The following TRPM3 variants were observed in gnomAD, a reference collection of about 807,000 sequenced individuals.
TRPM3 encodes long transient receptor potential channel 3.
Under a neutral mutation model 181.2 loss-of-function variants are expected in TRPM3, and 77 were observed. That is an observed-to-expected ratio of 0.42 (90% CI 0.35 to 0.51). The LOEUF (loss-of-function observed/expected upper bound fraction) is 0.51, where lower values mean the gene tolerates loss of function less well. TRPM3 is among the 20% of genes least tolerant of loss of function. TRPM3 has a pLI of 0.01. For synonymous variants in TRPM3, 745 were observed against 796.4 expected, an observed-to-expected ratio of 0.94 and a Z score of 1.09; for missense variants, 1,759 against 2,196.7, an observed-to-expected ratio of 0.80 and a Z score of 3.98.
At chr9:71,061,206 T>C (rs569480337) in intron 1 of TRPM3, among the ~76,000 whole-genome samples, 1 of 152,246 alleles carries the variant, frequency 6.6e-6, no homozygotes, top group Admixed American at 6.5e-5. Flanking sequence ...AAGAGGTCAG[T>C]AGCTTACTGT....
intron 14 of TRPM3, among the ~76,000 whole-genome samples, chr9:70,623,517 G>A (rs1214007590): frequency 1.3e-5 from 2 of 152,196 alleles, no homozygotes; most frequent in African/African-American, 4.8e-5. Context: ...AATTGGGTTT[G>A]GCACCATCTT....
chr9:71,408,580 G>A (rs1347540159), intron 1 of TRPM3, among the ~76,000 whole-genome samples: 1 of 152,154 alleles, frequency 6.6e-6, no homozygotes, highest in Non-Finnish European at 1.5e-5. Flanking sequence ...AATGAACAAA[G>A]CCTCCAAGAA....
intron 1 of TRPM3, among the ~76,000 whole-genome samples, chr9:71,312,323 G>A (rs1236276712): frequency 6.6e-6 from 1 of 152,090 alleles, no homozygotes; most frequent in Non-Finnish European, 1.5e-5. Flanking sequence ...AATGTCAGCA[G>A]AGAAATGCAA....
At chr9:70,967,856 C>CTAA (rs2097201551) in intron 1 of TRPM3, among the ~76,000 whole-genome samples, 1 of 152,074 alleles carries the variant, frequency 6.6e-6, no homozygotes, top group Non-Finnish European at 1.5e-5. Context: ...ATGGTCCCCA[C>CTAA]AATACACTGT....
intron 1 of TRPM3, among the ~76,000 whole-genome samples, chr9:71,420,645 GAA>G (rs1444881248): frequency 3.0e-4 from 35 of 116,464 alleles, no homozygotes; most frequent in African/African-American, 1.0e-3. Context: ...AAAAGAGAGA[GAA>G]AGAGAAAGAA....
intron 22 of TRPM3, among the ~76,000 whole-genome samples, chr9:70,580,500 C>A (rs2055352789): frequency 6.6e-6 from 1 of 152,130 alleles, no homozygotes; most frequent in South Asian, 2.1e-4. Context: ...ATATGGTGTC[C>A]ACATCAACCC....
At chr9:70,687,895 C>G (rs1402464063) in intron 8 of TRPM3, among the ~76,000 whole-genome samples, 1 of 152,190 alleles carries the variant, frequency 6.6e-6, no homozygotes, top group African/African-American at 2.4e-5. Context: ...GAGCAGTGAA[C>G]CACACTGACA....
intron 1 of TRPM3, among the ~76,000 whole-genome samples, chr9:71,241,692 GAATA>G (rs2081700002): frequency 1.3e-5 from 2 of 151,990 alleles, no homozygotes; most frequent in African/African-American, 2.4e-5. Context: ...ATTCTTCACA[GAATA>G]AATGAGAATT....
intron 1 of TRPM3, among the ~76,000 whole-genome samples, chr9:71,140,961 G>T (rs2075066348): frequency 6.6e-6 from 1 of 152,146 alleles, no homozygotes; most frequent in Non-Finnish European, 1.5e-5. Context: ...AATGTAATTA[G>T]TTTCTATTTT....
chr9:70,804,591 C>T (rs1028575195), intron 6 of TRPM3, among the ~76,000 whole-genome samples: 1 of 152,148 alleles, frequency 6.6e-6, no homozygotes, highest in Non-Finnish European at 1.5e-5. Context: ...TCTGTTACCT[C>T]ACTAGCTGCT....
intron 1 of TRPM3, among the ~76,000 whole-genome samples, chr9:71,246,089 TGGGAA>T (rs2082020906): frequency 1.3e-5 from 2 of 152,212 alleles, no homozygotes; most frequent in Admixed American, 1.3e-4. Context: ...ATTGGGGGTT[TGGGAA>T]GTGGACTGCT....
chr9:70,841,660 AT>A (rs200085017), intron 5 of TRPM3, among the ~76,000 whole-genome samples: 7,634 of 103,560 alleles, frequency 0.074, 403 homozygotes, highest in Middle Eastern at 0.14. Flanking sequence ...ATATATATAT[AT>A]CCCACCATAT....
At chr9:71,105,672 CA>C (rs1367679204) in intron 1 of TRPM3, among the ~76,000 whole-genome samples, 5 of 152,260 alleles carry the variant, frequency 3.3e-5, no homozygotes, top group African/African-American at 9.6e-5. Context: ...GTTTGTATAT[CA>C]AAGCCATGCT....
chr9:71,282,817 C>T (rs890166121), intron 1 of TRPM3, among the ~76,000 whole-genome samples: 3 of 152,144 alleles, frequency 2.0e-5, no homozygotes, highest in African/African-American at 7.2e-5. Context: ...GACTAGATAT[C>T]TTTAAGTCAA....
intron 9 of TRPM3, among the ~76,000 whole-genome samples, chr9:70,669,127 G>A (rs1368548996): frequency 6.6e-6 from 1 of 152,224 alleles, no homozygotes; most frequent in African/African-American, 2.4e-5. Context: ...GGCTGGGGGT[G>A]ACCACAGCTG....
intron 1 of TRPM3, among the ~76,000 whole-genome samples, chr9:71,332,980 T>A (rs2090315800): frequency 6.6e-6 from 1 of 151,940 alleles, no homozygotes; most frequent in African/African-American, 2.4e-5. Context: ...AAACATGGTG[T>A]ATTATAACAA....
At chr9:70,985,402 C>G (rs1010426705) in intron 1 of TRPM3, among the ~76,000 whole-genome samples, 3 of 152,100 alleles carry the variant, frequency 2.0e-5, no homozygotes, top group Non-Finnish European at 4.4e-5. Flanking sequence ...AAGAGGCCAA[C>G]AAAATTCTAG....
At chr9:71,149,526 C>T (rs72731793) in intron 1 of TRPM3, among the ~76,000 whole-genome samples, 1,777 of 152,130 alleles carry the variant, frequency 0.012, 18 homozygotes, top group Middle Eastern at 0.02. Context: ...GGCTACATAG[C>T]GAATCTCAAT....
At chr9:70,664,638 G>T (rs7850599) in intron 9 of TRPM3, among the ~76,000 whole-genome samples, 2 of 132,058 alleles carry the variant, frequency 1.5e-5, no homozygotes, top group Non-Finnish European at 3.2e-5. Context: ...GATTAGGAGA[G>T]TAGTTTTTTT....
Sources: allele counts gnomAD v4.1 joint callset (sites outside exome capture counted in the v4.1 genomes callset), GRCh38; gene constraint gnomAD v4.1.1; transcripts MANE v1.5; gene names NCBI Gene and HGNC (gene_info 2026-07-23, HGNC 2026-07-21).